Variants in GRM5 observed in about 807,000 individuals in gnomAD.
GRM5 encodes the protein metabotropic glutamate receptor 5.
A neutral mutation model predicts 83.1 loss-of-function variants in GRM5; 19 were observed. The observed-to-expected ratio is 0.23, with a 90% CI of 0.16 to 0.34. The LOEUF is 0.34. Among genes scored for constraint, GRM5 ranks in the 10% least tolerant of loss-of-function variants. The pLI is 1.00. For missense variants in GRM5, 1,160 were observed against 1,588.3 expected (o/e 0.73, Z 4.58); for synonymous variants, 675 against 633.6 (o/e 1.07, Z -0.98).
intron 4 of GRM5, among the ~76,000 whole-genome samples, chr11:88,649,702 A>T (rs1939581183): frequency 6.6e-6 from 1 of 151,394 alleles, no homozygotes; most frequent in African/African-American, 2.4e-5. Flanking sequence ...CAAATGCTAT[A>T]CTCAGTGAAA....
chr11:88,862,869 G>A (rs1944589942), intron 2 of GRM5, among the ~76,000 whole-genome samples: 1 of 151,974 alleles, frequency 6.6e-6, no homozygotes, highest in African/African-American at 2.4e-5. Context: ...CTATCCATCT[G>A]ACAATGGTCT....
chr11:88,535,137 C>T (rs1318726314), intron 8 of GRM5, among the ~76,000 whole-genome samples: 1 of 152,126 alleles, frequency 6.6e-6, no homozygotes, highest in Non-Finnish European at 1.5e-5. Context: ...ATGGAAGATA[C>T]TTATTTTTTT....
At chr11:89,016,923 G>C (rs1176686062) in intron 2 of GRM5, among the ~76,000 whole-genome samples, 3 of 152,122 alleles carry the variant, frequency 2.0e-5, no homozygotes, top group African/African-American at 7.2e-5. Flanking sequence ...TACATGATGA[G>C]AGTACTTTAA....
chr11:88,884,725 C>T (rs530294043), intron 2 of GRM5, among the ~76,000 whole-genome samples: 34 of 152,192 alleles, frequency 2.2e-4, no homozygotes, highest in African/African-American at 6.3e-4. Context: ...GCTATTCTTG[C>T]GGTAGTGAAT....
chr11:88,786,003 A>T (rs572224890), intron 3 of GRM5, among the ~76,000 whole-genome samples: 1 of 152,240 alleles, frequency 6.6e-6, no homozygotes, highest in African/African-American at 2.4e-5. Context: ...CTGCTAGTTC[A>T]GAACTACCAA....
At chr11:88,578,404 A>C (rs1449879731) in intron 7 of GRM5, among the ~76,000 whole-genome samples, 1 of 152,174 alleles carries the variant, frequency 6.6e-6, no homozygotes, top group African/African-American at 2.4e-5. Flanking sequence ...TTGACCAAAA[A>C]CTGAAATCAA....
At chr11:88,922,020 GA>G (rs1225080895) in intron 2 of GRM5, among the ~76,000 whole-genome samples, 1 of 151,314 alleles carries the variant, frequency 6.6e-6, no homozygotes, top group African/African-American at 2.4e-5. Context: ...AAATCCCAAG[GA>G]AAAAACCAAA....
At chr11:88,769,628 A>G (rs1942690931) in intron 3 of GRM5, among the ~76,000 whole-genome samples, 1 of 152,026 alleles carries the variant, frequency 6.6e-6, no homozygotes, top group Admixed American at 6.6e-5. Flanking sequence ...TGATGGCAGT[A>G]TGTCAAAAAG....
chr11:88,797,976 G>C (rs954611776), intron 3 of GRM5, among the ~76,000 whole-genome samples: 1 of 151,920 alleles, frequency 6.6e-6, no homozygotes, highest in Non-Finnish European at 1.5e-5. Context: ...AAAATACCAT[G>C]CTGATTTTTC....
At chr11:88,983,216 G>C (rs1591018467) in intron 2 of GRM5, among the ~76,000 whole-genome samples, 1 of 152,218 alleles carries the variant, frequency 6.6e-6, no homozygotes. Flanking sequence ...AAATCTGTTG[G>C]ATTATATCAT....
intron 2 of GRM5, among the ~76,000 whole-genome samples, chr11:88,998,608 G>A (rs1210955376): frequency 6.6e-6 from 1 of 152,064 alleles, no homozygotes; most frequent in African/African-American, 2.4e-5. Context: ...GTAAATAAGA[G>A]GTAAAACTAA....
At chr11:88,758,383 T>G (rs1474890076) in intron 3 of GRM5, among the ~76,000 whole-genome samples, 1 of 152,110 alleles carries the variant, frequency 6.6e-6, no homozygotes, top group Non-Finnish European at 1.5e-5. Flanking sequence ...TATAGAAAAG[T>G]ATGTAACCAA....
At chr11:88,602,200 T>C (rs943927719) in intron 5 of GRM5, among the ~76,000 whole-genome samples, 2 of 152,150 alleles carry the variant, frequency 1.3e-5, no homozygotes, top group African/African-American at 4.8e-5. Flanking sequence ...ATGTGAATAT[T>C]CGTATGTTTT....
chr11:89,027,726 T>A (rs1349645179), intron 2 of GRM5, among the ~76,000 whole-genome samples: 2 of 152,244 alleles, frequency 1.3e-5, no homozygotes, highest in African/African-American at 4.8e-5. Flanking sequence ...AAATTCAACA[T>A]TGAATAAATA....
intron 2 of GRM5, among the ~76,000 whole-genome samples, chr11:88,985,447 C>T (rs1939673399): frequency 6.6e-6 from 1 of 152,086 alleles, no homozygotes; most frequent in Non-Finnish European, 1.5e-5. Context: ...AATTTATTGT[C>T]TGTGGATCAC....
At chr11:88,879,108 T>A (rs987806623) in intron 2 of GRM5, among the ~76,000 whole-genome samples, 3 of 152,082 alleles carry the variant, frequency 2.0e-5, no homozygotes, top group African/African-American at 7.2e-5. Context: ...AGAAATACTA[T>A]GGAAATTGTA....
chr11:89,022,707 CT>C (rs1313756150), intron 2 of GRM5, among the ~76,000 whole-genome samples: 1 of 151,920 alleles, frequency 6.6e-6, no homozygotes, highest in Non-Finnish European at 1.5e-5. Flanking sequence ...GTATTTTACT[CT>C]TTTTTACTTT....
rs185312162 is a variant in GRM5 at position 88,830,855 on chromosome 11, G to A, written c.911+19051C>T. 5.3e-5 allele frequency among the ~76,000 whole-genome samples: 8 copies of A among 152,110 alleles called. No homozygotes were observed. The East Asian group carries it at 5.8e-4, about 11-fold the overall frequency. On this transcript the variant is annotated intron_variant, in intron 3 of 9. Coordinates refer to ENST00000305447, the MANE Select transcript of GRM5 (RefSeq NM_001143831.3). ...GTGCCTGGGGAGACCTCACAATCAC[G>A]AAGGTAGGCAAGGAAGAGCAAGTCA...
At chr11:88,800,093 A>T (rs1943359864) in intron 3 of GRM5, among the ~76,000 whole-genome samples, 1 of 152,156 alleles carries the variant, frequency 6.6e-6, no homozygotes, top group African/African-American at 2.4e-5. Flanking sequence ...AAAAGTAAAA[A>T]ATAAATAAAT....
Sources: gnomAD v4.1 joint callset for allele counts (sites outside exome capture counted in the v4.1 genomes callset) on GRCh38, gnomAD v4.1.1 for gene constraint, MANE v1.5 for transcripts, NCBI Gene and HGNC (gene_info 2026-07-23, HGNC 2026-07-21) for gene names.